The following SLC24A3 variants were observed in gnomAD, a reference collection of about 807,000 sequenced individuals.
SLC24A3 encodes solute carrier family 24 member 3, also known as sodium/potassium/calcium exchanger 3.
SLC24A3 carries 28 observed loss-of-function variants against 75.8 expected under a neutral mutation model. The observed-to-expected ratio is 0.37, with a 90% CI of 0.27 to 0.51. The LOEUF (loss-of-function observed/expected upper bound fraction) is 0.51, where lower values mean the gene tolerates loss of function less well. Among genes scored for constraint, SLC24A3 ranks in the 20% least tolerant of loss-of-function variants. The pLI is 0.94. For synonymous variants in SLC24A3, 372 were observed against 334.1 expected (o/e 1.11, Z -1.24); for missense variants, 663 against 847.8 (o/e 0.78, Z 2.71).
chr20:19,359,293 A>G (rs778295648), intron 2 of SLC24A3, among the ~76,000 whole-genome samples: 2 of 152,214 alleles, frequency 1.3e-5, no homozygotes, highest in Non-Finnish European at 2.9e-5. Flanking sequence ...TCCCATGTTT[A>G]TGATTCCTCT....
intron 3 of SLC24A3, among the ~76,000 whole-genome samples, chr20:19,536,353 G>A (rs560115269): frequency 2.5e-4 from 38 of 152,210 alleles, no homozygotes; most frequent in African/African-American, 8.2e-4. Flanking sequence ...TCTGTAAGGG[G>A]AAGATTGGCT....
intron 3 of SLC24A3, among the ~76,000 whole-genome samples, chr20:19,528,976 G>T (rs1229284474): frequency 1.3e-5 from 2 of 152,060 alleles, no homozygotes; most frequent in Non-Finnish European, 2.9e-5. Flanking sequence ...CCTTTTTAGA[G>T]GATCAAACCT....
At chr20:19,228,889 T>A (rs1981941116) in intron 1 of SLC24A3, among the ~76,000 whole-genome samples, 1 of 152,144 alleles carries the variant, frequency 6.6e-6, no homozygotes, top group Admixed American at 6.5e-5. Context: ...CTTTGCCAGG[T>A]TTTGGTGTCA....
At chr20:19,698,280 G>A (rs533975531) in intron 14 of SLC24A3, among the ~76,000 whole-genome samples, 6 of 152,356 alleles carry the variant, frequency 3.9e-5, no homozygotes, top group African/African-American at 1.2e-4. Flanking sequence ...ATCCACATGA[G>A]ATTTTGTGGG....
At chr20:19,262,834 G>T (rs1296629356) in intron 1 of SLC24A3, among the ~76,000 whole-genome samples, 1 of 151,988 alleles carries the variant, frequency 6.6e-6, no homozygotes, top group Non-Finnish European at 1.5e-5. Flanking sequence ...AACTTCAGCA[G>T]TGTCTACCCT....
At chr20:19,465,490 T>C (rs1020851043) in intron 2 of SLC24A3, among the ~76,000 whole-genome samples, 9 of 151,602 alleles carry the variant, frequency 5.9e-5, no homozygotes, top group African/African-American at 1.7e-4. Flanking sequence ...ATCCAGCCAA[T>C]GAACAATGAA....
intron 2 of SLC24A3, among the ~76,000 whole-genome samples, chr20:19,486,628 C>A (rs1988131414): frequency 6.6e-6 from 1 of 152,204 alleles, no homozygotes; most frequent in Non-Finnish European, 1.5e-5. Context: ...TGTCTCCATA[C>A]ACAGCTCCAT....
At chr20:19,215,636 C>G (rs28660244) in intron 1 of SLC24A3, among the ~76,000 whole-genome samples, 1 of 152,214 alleles carries the variant, frequency 6.6e-6, no homozygotes, top group Admixed American at 6.5e-5. Flanking sequence ...CCTTCCTGCT[C>G]CCTTCCTTTC....
intron 2 of SLC24A3, among the ~76,000 whole-genome samples, chr20:19,459,272 G>A (rs1243078390): frequency 6.6e-6 from 1 of 152,160 alleles, no homozygotes; most frequent in African/African-American, 2.4e-5. Context: ...ATAGTCACAA[G>A]TATCTTCTGG....
intron 2 of SLC24A3, among the ~76,000 whole-genome samples, chr20:19,437,325 G>A (rs1330334370): frequency 6.6e-6 from 1 of 152,128 alleles, no homozygotes; most frequent in Non-Finnish European, 1.5e-5. Flanking sequence ...AAGATCTGAT[G>A]GTTTTATAAG....
At chr20:19,444,011 C>G (rs182593373) in intron 2 of SLC24A3, among the ~76,000 whole-genome samples, 42 of 152,236 alleles carry the variant, frequency 2.8e-4, no homozygotes, top group Admixed American at 7.2e-4. Context: ...CCCCTCTATC[C>G]TTAGTTTCCT....
intron 2 of SLC24A3, among the ~76,000 whole-genome samples, chr20:19,298,285 A>G (rs1028140743): frequency 6.6e-6 from 1 of 152,240 alleles, no homozygotes; most frequent in Non-Finnish European, 1.5e-5. Flanking sequence ...TTTTTCCAAC[A>G]AACGCTGTCC....
intron 2 of SLC24A3, among the ~76,000 whole-genome samples, chr20:19,309,819 T>A (rs1182786071): frequency 7.0e-6 from 1 of 142,238 alleles, no homozygotes; most frequent in Non-Finnish European, 1.5e-5. Flanking sequence ...AATCATCATT[T>A]GGGGGAATGT....
chr20:19,672,991 A>G (rs990624221), intron 8 of SLC24A3, among the ~76,000 whole-genome samples: 1 of 152,244 alleles, frequency 6.6e-6, no homozygotes. Flanking sequence ...GTTGGAAGCC[A>G]CTAAGATAAA....
intron 2 of SLC24A3, among the ~76,000 whole-genome samples, chr20:19,433,987 GCA>G (rs1389866100): frequency 6.6e-6 from 1 of 152,182 alleles, no homozygotes; most frequent in East Asian, 1.9e-4. Context: ...TATTTGAAAA[GCA>G]CAGTCTTGGG....
At chr20:19,232,212 ATAT>A (rs1982041558) in intron 1 of SLC24A3, among the ~76,000 whole-genome samples, 1 of 152,248 alleles carries the variant, frequency 6.6e-6, no homozygotes, top group African/African-American at 2.4e-5. Flanking sequence ...ATATGTGTAA[ATAT>A]TATTCATGTA....
chr20:19,438,609 A>T (rs757186172), intron 2 of SLC24A3, among the ~76,000 whole-genome samples: 1 of 151,694 alleles, frequency 6.6e-6, no homozygotes, highest in Non-Finnish European at 1.5e-5. Context: ...CAAGCTGCTC[A>T]TTGGCCTCCC....
intron 2 of SLC24A3, among the ~76,000 whole-genome samples, chr20:19,324,505 G>A (rs917784449): frequency 6.6e-6 from 1 of 152,230 alleles, no homozygotes; most frequent in African/African-American, 2.4e-5. Context: ...GCACTAAGTG[G>A]TGTCACAGTC....
At chr20:19,490,646 G>A (rs1471148464) in intron 2 of SLC24A3, among the ~76,000 whole-genome samples, 2 of 152,208 alleles carry the variant, frequency 1.3e-5, no homozygotes, top group African/African-American at 4.8e-5. Flanking sequence ...TTTTGCCAAA[G>A]ACACTCTAGT....
Sources: allele counts gnomAD v4.1 joint callset (sites outside exome capture counted in the v4.1 genomes callset), GRCh38; gene constraint gnomAD v4.1.1; transcripts MANE v1.5; gene names NCBI Gene and HGNC (gene_info 2026-07-23, HGNC 2026-07-21).